The following LATS1 variants were observed in gnomAD, a reference collection of about 807,000 sequenced individuals.
LATS1 encodes large tumor suppressor kinase 1.
Under a neutral mutation model 106.6 loss-of-function variants are expected in LATS1, and 25 were observed. The observed-to-expected ratio is 0.23, with a 90% CI of 0.17 to 0.33. The LOEUF is 0.33. Among genes scored for constraint, LATS1 ranks in the 10% least tolerant of loss-of-function variants. The pLI, the probability that LATS1 is intolerant of heterozygous loss-of-function variation, is 1.00. For synonymous variants in LATS1, 465 were observed against 455.6 expected (o/e 1.02, Z -0.26); for missense variants, 1,040 against 1,382.6 (o/e 0.75, Z 3.93).
chr6:149,688,476 T>G (rs1356301299), intron 3 of LATS1, among the ~76,000 whole-genome samples: 1 of 151,788 alleles, frequency 6.6e-6, no homozygotes, highest in South Asian at 2.1e-4. Context: ...GCCTGGCTAA[T>G]TTTTTGTATT....
rs1234908366 is a variant in LATS1 at position 149,678,375 on chromosome 6, C to T, written c.2593+1500G>A. Among the ~76,000 whole-genome samples, 3 of 150,084 alleles carry T rather than the reference C, an allele frequency of 2.0e-5. No homozygotes were observed. The Admixed American group carries it at 2.0e-4, about 10-fold the overall frequency. On this transcript the variant is annotated intron_variant, in intron 5 of 7. Transcript: ENST00000543571. ...AAACAAACAAACAAACAAAAAACAACAAAAAGATTTCTATGCCCCAGTGAA... is the reference window on the plus strand; with the variant it reads ...AAACAAACAAACAAACAAAAAACAATAAAAAGATTTCTATGCCCCAGTGAA...
chr6:149,660,111 T>A lies in LATS1; in HGVS notation c.*1618A>T, dbSNP rs1458913315. 4.3e-6 allele frequency: 1 copy of A among 232,438 alleles called. No homozygotes were observed. Among genetic ancestry groups the A allele is most frequent in the Non-Finnish European group, 8.5e-6 (1 of 117,670 alleles). 14.4% of individuals were successfully genotyped at this position (232,438 alleles called of 1,614,324 possible). On this transcript the variant is annotated 3_prime_UTR_variant, in exon 8 of 8. Coordinates refer to ENST00000543571, the MANE Select transcript of LATS1 (RefSeq NM_004690.4). ...ACCTACAGCCTGTGATAGGTTTCAATATGTCCAAAATCCCTTGAAACTGCA... is the reference window on the plus strand; with the variant it reads ...ACCTACAGCCTGTGATAGGTTTCAAAATGTCCAAAATCCCTTGAAACTGCA...
rs780929583 is a variant in LATS1, at chr6:149,684,356, C to T, written c.733G>A (p.Val245Ile). Residue 245 changes from valine (V) to isoleucine (I), a missense_variant, in exon 4 of 8, where the codon GTT (valine) becomes ATT (isoleucine). Val to Ile is a conservative substitution (Grantham distance 29). This residue lies in a region of LATS1 where 624 missense variants were observed against 714.8 expected (regional missense o/e 0.87). Coordinates refer to ENST00000543571, the MANE Select transcript of LATS1 (RefSeq NM_004690.4). ...CCTCTTGGAGGTGGTGGAGGAGTAA[C>T]ACTCCTTACTTGAGGTGGTGGTGGG... The part of the protein sequence containing the change: ...NPPPPPQVRS[V>I]TPPPPPRGQT... 3 of 1,613,466 alleles carry T rather than the reference C, an allele frequency of 1.9e-6. No homozygotes were observed. The highest frequency in any genetic ancestry group is 2.5e-6 in the Non-Finnish European group (3 of 1,179,672).
intron 7 of LATS1, chr6:149,675,908 A>G (rs1448025805): frequency 8.5e-6 from 2 of 234,860 alleles, no homozygotes; most frequent in Non-Finnish European, 1.7e-5. Flanking sequence ...TGTATGAGTG[A>G]GGGGGGATAC....
chr6:149,678,151 TCTA>T (rs1781824738), intron 5 of LATS1, among the ~76,000 whole-genome samples: 1 of 105,628 alleles, frequency 9.5e-6, no homozygotes, highest in African/African-American at 3.7e-5. Context: ...AAACCTGGTC[TCTA>T]CTAAAAATCC....
At position 149,714,500 on chromosome 6, in the gene LATS1, C is replaced by G. The variant is rs536819768; in HGVS notation, c.-141+3349G>C. 2.6e-5 allele frequency among the ~76,000 whole-genome samples: 4 copies of G among 152,124 alleles called. No homozygotes were observed. In the East Asian group the frequency reaches 5.8e-4, roughly 22 times the overall value. ...GGCATAAGTAATTATTAAATTCAAG[C>G]AAGATCACAGAATTTTCAAAGGTAA... On this transcript the variant is annotated intron_variant, in intron 1 of 7. Coordinates refer to ENST00000543571, the MANE Select transcript of LATS1 (RefSeq NM_004690.4).
At chr6:149,678,318 T>C (rs1292892121) in intron 5 of LATS1, among the ~76,000 whole-genome samples, 1 of 151,764 alleles carries the variant, frequency 6.6e-6, no homozygotes, top group Non-Finnish European at 1.5e-5. Flanking sequence ...CACTCCAGCC[T>C]GGGCAACAGA....
At chr6:149,712,449 G>T (rs368586278) in intron 1 of LATS1, among the ~76,000 whole-genome samples, 1 of 152,022 alleles carries the variant, frequency 6.6e-6, no homozygotes, top group African/African-American at 2.4e-5. Flanking sequence ...CGCCCACCTT[G>T]GCCTCCCAAA....
chr6:149,679,653 GCA>G (rs1781927305), intron 5 of LATS1, among the ~76,000 whole-genome samples: 1 of 151,628 alleles, frequency 6.6e-6, no homozygotes, highest in South Asian at 2.1e-4. Flanking sequence ...ATCAAGTCTA[GCA>G]CATTCTTTCA....
At position 149,676,289 on chromosome 6, in the gene LATS1, C is replaced by T; in HGVS notation, c.2854G>A (p.Ala952Thr). 1 of 1,612,626 alleles carries T rather than the reference C, an allele frequency of 6.2e-7. No homozygotes were observed. Among genetic ancestry groups the T allele is most frequent in the Non-Finnish European group, 8.5e-7 (1 of 1,178,750 alleles). ...ATTTGTGTTTCTAATGGTGTTTGTG[C>T]CAAGAAAGGAGGTTGTCCCACCAAC... is the stretch of plus-strand genomic sequence containing the variant. ...EMLVGQPPFL[A>T]QTPLETQMKV... Residue 952 changes from alanine to threonine, a missense_variant, in exon 7 of 8, where the codon GCA becomes ACA. Around this residue, in one of 7 missense-constraint regions of LATS1, gnomAD observed 113 missense variants for 146.3 expected, o/e 0.77. Coordinates refer to ENST00000543571, the MANE Select transcript of LATS1 (RefSeq NM_004690.4).
intron 1 of LATS1, among the ~76,000 whole-genome samples, chr6:149,713,507 G>A (rs558391536): frequency 2.6e-5 from 4 of 152,068 alleles, no homozygotes; most frequent in South Asian, 4.2e-4. Context: ...TGTTGCCTAG[G>A]CTGGTCTCGA....
intron 7 of LATS1, among the ~76,000 whole-genome samples, chr6:149,669,129 GGATTGATTGATT>G (rs887150277): frequency 2.0e-5 from 3 of 151,568 alleles, no homozygotes; most frequent in African/African-American, 7.3e-5. Context: ...GGCTGGATAA[GGATTGATTGATT>G]GATTGATTGA....
chr6:149,697,280 AG>A, intron 2 of LATS1: 2 of 578,318 alleles, frequency 3.5e-6, no homozygotes, highest in East Asian at 1.2e-4. Context: ...TCCCTTTCTT[AG>A]AAAAAGTTAC....
intron 3 of LATS1, among the ~76,000 whole-genome samples, chr6:149,688,010 G>A (rs1782502019): frequency 6.6e-6 from 1 of 151,844 alleles, no homozygotes; most frequent in South Asian, 2.1e-4. Context: ...GAGTAGCTAG[G>A]ACTACAGGCG....
At chr6:149,675,974 G>A in intron 7 of LATS1, 1 of 313,640 alleles carries the variant, frequency 3.2e-6, no homozygotes, top group Non-Finnish European at 6.0e-6. Flanking sequence ...CAATTCTGGT[G>A]AGTTCCTATA....
chr6:149,665,565 A>G (rs1021137341), intron 7 of LATS1, among the ~76,000 whole-genome samples: 3 of 152,190 alleles, frequency 2.0e-5, no homozygotes, highest in African/African-American at 7.2e-5. Flanking sequence ...TACTGGGGAC[A>G]TCACAGAGAG....
rs1047345979 is a variant in LATS1, at chr6:149,661,724, G to C, written c.*5C>G. 3.9e-6 allele frequency: 6 copies of C among 1,528,150 alleles called. No homozygotes were observed. The highest frequency in any genetic ancestry group is 5.3e-6 in the Non-Finnish European group (6 of 1,141,094). 94.7% of individuals were successfully genotyped at this position (1,528,150 alleles called of 1,614,324 possible). A position where few individuals can be genotyped will look rare whatever the true frequency, so the allele number is the denominator to read the frequency against. ...AAATCCTCATTACATTTATTTACTA[G>C]TGTGTTAAACATATACTAGATCGCG... On this transcript the variant is annotated 3_prime_UTR_variant, in exon 8 of 8. Transcript: ENST00000543571.
At chr6:149,664,482 T>C (rs1781042033) in intron 7 of LATS1, among the ~76,000 whole-genome samples, 1 of 152,026 alleles carries the variant, frequency 6.6e-6, no homozygotes, top group Non-Finnish European at 1.5e-5. Flanking sequence ...CACACCATGG[T>C]CAAACTGAAG....
chr6:149,679,949 CCAT>C lies in LATS1; in HGVS notation c.2516_2518del (p.Asp839del). ...GCCAAAGTCAGTCAATTTAATATGA[CCAT>C]CACGATCAATCAAAATATTATCAGG... On this transcript the variant is annotated inframe_deletion, in exon 5 of 8. Transcript: ENST00000543571. The C allele has an allele frequency of 6.2e-7, 1 of 1,613,878 alleles. No homozygotes were observed. Among genetic ancestry groups the C allele is most frequent in the South Asian group, 1.1e-5 (1 of 91,062 alleles).
Sources: gnomAD v4.1 joint callset for allele counts (sites outside exome capture counted in the v4.1 genomes callset) on GRCh38, gnomAD v4.1.1 for gene constraint, gnomAD v4.1.1 regional missense constraint, MANE v1.5 for transcripts, NCBI Gene and HGNC (gene_info 2026-07-23, HGNC 2026-07-21) for gene names.